TOPAZ1: variants seen among roughly 807,000 people sequenced by gnomAD.
The protein encoded by TOPAZ1 is protein TOPAZ1.
A neutral mutation model predicts 172.2 loss-of-function variants in TOPAZ1; 66 were observed. The ratio of observed to expected loss-of-function variants is 0.38; its 90% CI spans 0.31 to 0.47. The LOEUF (loss-of-function observed/expected upper bound fraction) is 0.47. Ranked by LOEUF, TOPAZ1 falls within the 20% of genes least tolerant of loss-of-function variation. The pLI is 0.99. For synonymous variants in TOPAZ1, 681 were observed against 683.9 expected, an observed-to-expected ratio of 1.00 and a Z score of 0.07; for missense variants, 1,822 against 1,972.4, an observed-to-expected ratio of 0.92 and a Z score of 1.44.
At position 44,269,580 on chromosome 3, in the gene TOPAZ1, A is replaced by T. The variant is rs1464980904; in HGVS notation, c.3246+279A>T. ...GGCTCACTGCCCCTTAAAAAAAAAA[A>T]ATTTTCATAAAACCAATACTTTGGA... On this transcript the variant is annotated intron_variant, in intron 7 of 19. Transcript: ENST00000309765. Among the ~76,000 whole-genome samples the T allele has an allele frequency of 6.6e-5, 9 of 135,616 alleles. No homozygotes were observed. The Admixed American group carries it at 7.8e-4, about 12-fold the overall frequency. The allele number at this position is 135,616 out of a possible 152,430, so 89.0% of individuals were successfully genotyped here. A position where few individuals can be genotyped will look rare whatever the true frequency, so the allele number is the denominator to read the frequency against.
chr3:44,324,114 T>C (rs1700571842), intron 18 of TOPAZ1, among the ~76,000 whole-genome samples: 1 of 152,278 alleles, frequency 6.6e-6, no homozygotes, highest in African/African-American at 2.4e-5. Context: ...TAACTTTTTT[T>C]CCCCAACAAA....
intron 2 of TOPAZ1, among the ~76,000 whole-genome samples, chr3:44,253,589 TG>T (rs1206831859): frequency 6.6e-6 from 1 of 152,148 alleles, no homozygotes; most frequent in Non-Finnish European, 1.5e-5. Flanking sequence ...CATTTTGAGT[TG>T]AAGAGGCCTT....
chr3:44,251,466 G>A (rs144088019), intron 2 of TOPAZ1, among the ~76,000 whole-genome samples: 2 of 152,258 alleles, frequency 1.3e-5, no homozygotes, highest in Admixed American at 1.3e-4. Context: ...GTTTCTGATA[G>A]TAATTATTCT....
chr3:44,242,509 C>T, intron 1 of TOPAZ1, 110 bp downstream of exon 1: 1 of 1,153,718 alleles, frequency 8.7e-7, no homozygotes, highest in Non-Finnish European at 1.2e-6. Context: ...TTCTGATGCA[C>T]ATAGTTGACC....
At chr3:44,268,366 CTTTTTTTTTTTTT>C (rs34027226) in intron 6 of TOPAZ1, among the ~76,000 whole-genome samples, 1 of 67,472 alleles carries the variant, frequency 1.5e-5, no homozygotes, top group African/African-American at 5.4e-5. Context: ...GGTGCCTATT[CTTTTTTTTTTTTT>C]TTTTTTTTTT....
chr3:44,302,961 G>C (rs539215114), intron 12 of TOPAZ1, among the ~76,000 whole-genome samples: 2 of 152,216 alleles, frequency 1.3e-5, no homozygotes, highest in African/African-American at 4.8e-5. Context: ...TCCCACCTCA[G>C]TCTCCCACGT....
At chr3:44,260,145 C>G (rs1239339099) in intron 4 of TOPAZ1, among the ~76,000 whole-genome samples, 1 of 152,162 alleles carries the variant, frequency 6.6e-6, no homozygotes, top group Non-Finnish European at 1.5e-5. Flanking sequence ...CCTGAGGCCT[C>G]CCCAGCCGTG....
intron 12 of TOPAZ1, among the ~76,000 whole-genome samples, chr3:44,299,178 C>T (rs950126765): frequency 1.3e-5 from 2 of 151,476 alleles, no homozygotes; most frequent in Non-Finnish European, 2.9e-5. Context: ...ACCTCGGCCT[C>T]CCAAAGTGCT....
At chr3:44,242,474 C>A (rs1273833432) in intron 1 of TOPAZ1, 75 bp downstream of exon 1, 83 of 1,414,486 alleles carry the variant, frequency 5.9e-5, no homozygotes, top group Non-Finnish European at 8.0e-5. Flanking sequence ...TACCACTAGT[C>A]TTTAACTTGA....
Position 44,279,895 on chromosome 3 carries a change from T to A in TOPAZ1, c.3373-2073T>A, listed in dbSNP as rs144681336. Among the ~76,000 whole-genome samples, 622 of 152,326 alleles carry A rather than the reference T, an allele frequency of 4.1e-3. 8 individuals are homozygous for A. Among genetic ancestry groups the A allele is most frequent in the African/African-American group, 0.014 (594 of 41,592 alleles). ...GTTTTGTATATCCTTTGTTCCTTTC[T>A]TTCTCTCTTATTGCCTATCTGTAGT... is the stretch of plus-strand genomic sequence containing the variant. On this transcript the variant is annotated intron_variant, in intron 8 of 19. Transcript: ENST00000309765.
At chr3:44,317,851 A>G (rs1169887085) in intron 16 of TOPAZ1, among the ~76,000 whole-genome samples, 3 of 152,226 alleles carry the variant, frequency 2.0e-5, no homozygotes, top group African/African-American at 7.2e-5. Flanking sequence ...TATTCATAAA[A>G]GTATTTATGT....
downstream of TOPAZ1, among the ~76,000 whole-genome samples, chr3:44,334,829 T>C (rs1354846167): frequency 6.6e-6 from 1 of 152,174 alleles, no homozygotes; most frequent in African/African-American, 2.4e-5. Flanking sequence ...CACAGACTCC[T>C]CCTTATTCAG....
In TOPAZ1 at chr3:44,243,439, C is replaced by T. The variant is rs912773154; in HGVS notation, c.933C>T (p.Cys311=). ...YQSKTNGLLS[C]LQHEKNKYSI... ...GTAAAACCAATGGCTTGCTTTCCTG[C>T]CTTCAACATGAAAAAAATAAATATT... The change falls in exon 2 of 20, where the codon TGC becomes TGT. Residue 311 remains cysteine, a synonymous_variant. Transcript: ENST00000309765. 6.4e-7 allele frequency: 1 copy of T among 1,551,538 alleles called. No individual in the cohort carries two copies. The highest frequency in any genetic ancestry group is 8.7e-7 in the Non-Finnish European group (1 of 1,146,940).
Position 44,287,541 on chromosome 3 carries a change from G to T in TOPAZ1, c.3588+1G>T. The T allele has an allele frequency of 1.4e-6, 2 of 1,465,328 alleles. No individual in the cohort carries two copies. Among genetic ancestry groups the T allele is most frequent in the Non-Finnish European group, 1.8e-6 (2 of 1,105,256 alleles). The allele number at this position is 1,465,328 out of a possible 1,614,324, so 90.8% of individuals were successfully genotyped here. A position where few individuals can be genotyped will look rare whatever the true frequency, so the allele number is the denominator to read the frequency against. On this transcript the variant is annotated splice_donor_variant, in intron 10 of 19. Transcript: ENST00000309765. LOFTEE classifies it high-confidence loss of function. Reference sequence around the variant, plus strand: ...CCTCAGCATAATGGTTAAAATGCTGGTAAGTAGCCTGAAAATATATGTTAT... The same window carrying T: ...CCTCAGCATAATGGTTAAAATGCTGTTAAGTAGCCTGAAAATATATGTTAT...
intron 3 of TOPAZ1, among the ~76,000 whole-genome samples, chr3:44,255,729 ATG>A: frequency 1.4e-5 from 2 of 144,558 alleles, no homozygotes; most frequent in African/African-American, 2.6e-5. Context: ...ACATATATAT[ATG>A]GTTAACAGCT....
chr3:44,274,582 G>C (rs1278763936), intron 8 of TOPAZ1, among the ~76,000 whole-genome samples: 1 of 142,838 alleles, frequency 7.0e-6, no homozygotes, highest in Admixed American at 7.1e-5. Flanking sequence ...TTTTTGAGAT[G>C]GATTTCTTGT....
chr3:44,267,601 G>A (rs925897404), intron 6 of TOPAZ1, among the ~76,000 whole-genome samples: 2 of 152,028 alleles, frequency 1.3e-5, no homozygotes, highest in African/African-American at 2.4e-5. Context: ...AGCCTACTTA[G>A]TACTTTTGAT....
intron 16 of TOPAZ1, among the ~76,000 whole-genome samples, chr3:44,311,075 A>G (rs1700392646): frequency 6.6e-6 from 1 of 152,236 alleles, no homozygotes; most frequent in South Asian, 2.1e-4. Context: ...GAATCAATAA[A>G]TAAAGCAAAT....
Position 44,257,467 on chromosome 3 carries a change from ATAGTGTGTGTGTGTGTGTGTGTGTGT to A in TOPAZ1, c.2955+1190_2955+1215del, listed in dbSNP as rs759893449. ...GTGTGTATCTATTTTATATATATAT[ATAGTGTGTGTGTGTGTGTGTGTGTGT>A]GTGTGTGTGTGTGTGTGAATGATTC... On this transcript the variant is annotated intron_variant, in intron 4 of 19. Transcript: ENST00000309765. Among the ~76,000 whole-genome samples, 12 of 106,054 alleles carry A rather than the reference ATAGTGTGTGTGTGTGTGTGTGTGTGT, an allele frequency of 1.1e-4. No homozygotes were observed. In the East Asian group the frequency reaches 2.0e-3, roughly 17 times the overall value. 69.6% of individuals were successfully genotyped at this position (106,054 alleles called of 152,430 possible). A position where few individuals can be genotyped will look rare whatever the true frequency, so the allele number is the denominator to read the frequency against.
Sources: allele counts gnomAD v4.1 joint callset (sites outside exome capture counted in the v4.1 genomes callset), GRCh38; gene constraint gnomAD v4.1.1; transcripts MANE v1.5; gene names NCBI Gene and HGNC (gene_info 2026-07-23, HGNC 2026-07-21).